TEX101: variants seen among roughly 807,000 people sequenced by gnomAD.
The protein encoded by TEX101 is testis-expressed protein 101.
Under a neutral mutation model 18.1 loss-of-function variants are expected in TEX101, and 10 were observed. The observed-to-expected ratio is 0.55, with a 90% confidence interval of 0.34 to 0.94. TEX101 has a LOEUF of 0.94. Among genes scored for constraint, TEX101 ranks in the 40% least tolerant of loss-of-function variants. TEX101 has a pLI of 0.02. For synonymous variants in TEX101, 94 were observed against 114.8 expected (o/e 0.82, Z 1.16); for missense variants, 259 against 298.9 (o/e 0.87, Z 0.98).
At chr19:43,401,749 A>G (rs927765281) in intron 1 of TEX101, among the ~76,000 whole-genome samples, 1 of 152,164 alleles carries the variant, frequency 6.6e-6, no homozygotes, top group African/African-American at 2.4e-5. Context: ...GCTACTCAGG[A>G]GGCTGAGGCA....
upstream of TEX101, among the ~76,000 whole-genome samples, chr19:43,411,745 G>A (rs1599901225): frequency 6.6e-6 from 1 of 152,042 alleles, no homozygotes; most frequent in East Asian, 1.9e-4. Flanking sequence ...CCGCCTCCCA[G>A]GTTCAAGTGA....
At chr19:43,406,244 G>C (rs1314346766) in exon 3 of TEX101, 1 of 489,264 alleles carries the variant, frequency 2.0e-6, no homozygotes, top group Non-Finnish European at 3.6e-6. Flanking sequence ...TCAAAGTGAA[G>C]GAATTCAATG....
In TEX101 at chr19:43,417,872, C is replaced by T; in HGVS notation, c.392-6C>T. The T allele has an allele frequency of 6.2e-7, 1 of 1,613,990 alleles. No individual in the cohort carries two copies. The highest frequency in any genetic ancestry group is 8.5e-7 in the Non-Finnish European group (1 of 1,179,900). ...GCCCTTAACTGTCTCTCTCATTTCCCTCCAGCTTCCACTGTGTCAACAACC... is the reference window on the plus strand; with the variant it reads ...GCCCTTAACTGTCTCTCTCATTTCCTTCCAGCTTCCACTGTGTCAACAACC... On this transcript the variant is annotated splice_polypyrimidine_tract_variant and splice_region_variant and intron_variant, in intron 4 of 5. Coordinates refer to ENST00000598265, the MANE Select transcript of TEX101 (RefSeq NM_001130011.3).
At chr19:43,398,577 C>T (rs757698287), upstream of TEX101, among the ~76,000 whole-genome samples, 23 of 152,096 alleles carry the variant, frequency 1.5e-4, no homozygotes, top group Middle Eastern at 3.4e-3. Flanking sequence ...TATTTTTAAA[C>T]GGGGATACAA....
At chr19:43,416,604 G>T (rs1397790825) in intron 4 of TEX101, 49 bp downstream of exon 4, 2 of 1,556,944 alleles carry the variant, frequency 1.3e-6, no homozygotes, top group Non-Finnish European at 1.7e-6. Flanking sequence ...TCCATAAAGA[G>T]CTTGTGTATG....
chr19:43,415,759 CAA>C (rs745993085), intron 1 of TEX101, 120 bp from the exon 2 acceptor site: 2,684 of 689,552 alleles, frequency 3.9e-3, no homozygotes, highest in Middle Eastern at 4.8e-3. Context: ...GACTCCGTCT[CAA>C]AAAAAAAAAA....
At position 43,416,365 on chromosome 19, in the gene TEX101, CAT is replaced by C. The variant is rs1241126307; in HGVS notation, c.209-6_209-5del. The C allele has an allele frequency of 6.2e-7, 1 of 1,610,992 alleles. No homozygotes were observed. Among genetic ancestry groups the C allele is most frequent in the South Asian group, 1.1e-5 (1 of 90,642 alleles). On this transcript the variant is annotated splice_polypyrimidine_tract_variant and splice_region_variant and intron_variant, in intron 3 of 5. Transcript: ENST00000598265. Reference sequence around the variant, plus strand: ...CATCCATTTCCCCTCCTTCCTGTCTCATAACAGGGACTGAGACAGCCATTTTG... The same window carrying C: ...CATCCATTTCCCCTCCTTCCTGTCTCAACAGGGACTGAGACAGCCATTTTG...
chr19:43,413,076 C>A (rs555925966), upstream of TEX101, among the ~76,000 whole-genome samples: 6 of 152,262 alleles, frequency 3.9e-5, no homozygotes, highest in African/African-American at 1.4e-4. Flanking sequence ...CTGTAAGTTC[C>A]AGACATTATA....
At position 43,404,767 on chromosome 19, in the gene TEX101, AATAT is replaced by A. The variant is rs752795947; in HGVS notation, c.-282-1448_-282-1445del. ...TATATATATGTTAGGTGAATATATA[AATAT>A]ATATATACTTAAGTTGTGTGCACTT... On this transcript the variant is annotated intron_variant, in intron 2 of 7. Transcript: ENST00000602198. Among the ~76,000 whole-genome samples, 195 of 151,462 alleles carry A rather than the reference AATAT, an allele frequency of 1.3e-3. 1 individual carries two copies. The highest frequency in any genetic ancestry group is 2.2e-3 in the Non-Finnish European group (146 of 67,846).
At chr19:43,389,771 C>T in the TEX101 span, among the ~76,000 whole-genome samples, 1 of 152,192 alleles carries the variant, frequency 6.6e-6, no homozygotes, top group Admixed American at 6.5e-5. Context: ...TTCCTTGCCC[C>T]TTTATGTCCA....
At position 43,418,317 on chromosome 19, in the gene TEX101, GCCA is replaced by G. The variant is rs1395428086; in HGVS notation, c.673_675del (p.Thr225del). ...TCAACCTCGAAAGACTGAAAATGGG[GCCA>G]CCTGTCTTCCCATTCCTGTTTGGGG... is the stretch of plus-strand genomic sequence containing the variant. On this transcript the variant is annotated inframe_deletion, in exon 6 of 6. Coordinates refer to ENST00000598265, the MANE Select transcript of TEX101 (RefSeq NM_001130011.3). The G allele has an allele frequency of 6.2e-7, 1 of 1,614,148 alleles. No homozygotes were observed. The highest frequency in any genetic ancestry group is 1.1e-5 in the South Asian group (1 of 91,078).
chr19:43,418,352 G>T lies in TEX101; in HGVS notation c.705G>T (p.Gln235His). 1 of 1,614,126 alleles carries T rather than the reference G, an allele frequency of 6.2e-7. No homozygotes were observed. Among genetic ancestry groups the T allele is most frequent in the African/African-American group, 1.3e-5 (1 of 75,054 alleles). ...TCLPIPVWGL[Q>H]LLLPLLLPSF... ...TTCCCATTCCTGTTTGGGGGTTACA[G>T]CTACTGCTGCCATTGCTGCTGCCAT... The change falls in exon 6 of 6, where the codon CAG becomes CAT. Residue 235 changes from glutamine (Q) to histidine (H), a missense_variant. Transcript: ENST00000598265.
At chr19:43,411,863 G>A (rs1251959283), upstream of TEX101, among the ~76,000 whole-genome samples, 5 of 152,054 alleles carry the variant, frequency 3.3e-5, no homozygotes. Context: ...GTTGGTGAAG[G>A]TCAGGCTGGT....
chr19:43,391,874 T>A, the TEX101 span, among the ~76,000 whole-genome samples: 1 of 152,234 alleles, frequency 6.6e-6, no homozygotes, highest in Non-Finnish European at 1.5e-5. Context: ...GGTGAGAGGA[T>A]GTGACTGCAG....
At position 43,402,107 on chromosome 19, in the gene TEX101, A is replaced by AT. The variant is rs559136664; in HGVS notation, c.-377+547dup. ...AATCACACGCAGTGTGAGGCAACAC[A>AT]TAAGCGGGTGTCCCATAGTGTTTAA... On this transcript the variant is annotated intron_variant, in intron 1 of 7. Coordinates refer to the TEX101 transcript ENST00000602198. Among the ~76,000 whole-genome samples, 10 of 152,374 alleles carry AT rather than the reference A, an allele frequency of 6.6e-5. No individual in the cohort carries two copies. The South Asian group carries it at 2.1e-3, about 32-fold the overall frequency.
chr19:43,408,000 C>T (rs930515991), intron 3 of TEX101, among the ~76,000 whole-genome samples: 3 of 152,242 alleles, frequency 2.0e-5, no homozygotes, highest in Non-Finnish European at 4.4e-5. Context: ...GTTAGCCCTC[C>T]ACACAGGCGT....
At chr19:43,393,296 G>A in the TEX101 span, among the ~76,000 whole-genome samples, 7 of 152,156 alleles carry the variant, frequency 4.6e-5, no homozygotes, top group East Asian at 1.9e-4. Context: ...TCTTCAGGGC[G>A]ACCCAATGCC....
At chr19:43,407,902 C>A (rs1398587127) in intron 3 of TEX101, among the ~76,000 whole-genome samples, 2 of 152,208 alleles carry the variant, frequency 1.3e-5, no homozygotes, top group Non-Finnish European at 2.9e-5. Context: ...TCGTGGGGAA[C>A]CTGGCGCTAA....
chr19:43,409,863 T>G (rs1970403522), intron 3 of TEX101, among the ~76,000 whole-genome samples: 1 of 152,038 alleles, frequency 6.6e-6, no homozygotes, highest in Non-Finnish European at 1.5e-5. Flanking sequence ...AAAAAGACAT[T>G]CTGTGGCTTG....
Sources: gnomAD v4.1 joint callset for allele counts (sites outside exome capture counted in the v4.1 genomes callset) on GRCh38, gnomAD v4.1.1 for gene constraint, MANE v1.5 for transcripts, NCBI Gene and HGNC (gene_info 2026-07-23, HGNC 2026-07-21) for gene names.